MITF: variants seen among roughly 807,000 people sequenced by gnomAD.
The protein encoded by MITF is melanocyte inducing transcription factor, also known as microphthalmia-associated transcription factor.
A neutral mutation model predicts 60.5 loss-of-function variants in MITF; 17 were observed. The observed-to-expected ratio is 0.28, with a 90% CI of 0.19 to 0.42. MITF has a LOEUF of 0.42. Ranked by LOEUF, MITF falls within the 10% of genes least tolerant of loss-of-function variation. The pLI is 1.00. For missense variants in MITF, 622 were observed against 683.5 expected (o/e 0.91, Z 1.00); for synonymous variants, 260 against 248.5 (o/e 1.05, Z -0.43).
intron 1 of MITF, chr3:69,752,434 G>A (rs1703971340): frequency 6.6e-6 from 1 of 152,192 alleles, no homozygotes; most frequent in African/African-American, 2.4e-5. Context: ...GTCTGAGATG[G>A]AAATGAGGAA....
At chr3:69,909,792 G>A (rs1445766192) in intron 2 of MITF, among the ~76,000 whole-genome samples, 3 of 152,166 alleles carry the variant, frequency 2.0e-5, no homozygotes, top group African/African-American at 7.2e-5. Flanking sequence ...TTCAAAAGGT[G>A]ACTTTGGGTG....
intron 2 of MITF, among the ~76,000 whole-genome samples, chr3:69,898,042 C>T (rs532836697): frequency 1.2e-3 from 184 of 152,276 alleles, no homozygotes; most frequent in African/African-American, 4.2e-3. Context: ...TTGTGGAACT[C>T]ACTGCTAACA....
chr3:69,779,983 G>A (rs1259108492), intron 1 of MITF, among the ~76,000 whole-genome samples: 1 of 152,182 alleles, frequency 6.6e-6, no homozygotes, highest in East Asian at 1.9e-4. Context: ...TAATCTGAGA[G>A]TAGGGGCATA....
intron 7 of MITF, 62 bp downstream of exon 7, chr3:69,951,948 G>A: frequency 7.8e-7 from 1 of 1,285,816 alleles, no homozygotes; most frequent in Non-Finnish European, 1.1e-6. Context: ...TATCAAAAAT[G>A]TTTCCAGAAA....
intron 1 of MITF, among the ~76,000 whole-genome samples, chr3:69,850,295 C>A (rs1549744): frequency 0.49 from 74,692 of 152,008 alleles, 20,079 homozygotes; most frequent in Non-Finnish European, 0.63. Flanking sequence ...TAGATTCCAA[C>A]TGTGCCTTGG....
At chr3:69,903,194 G>GTTAA (rs779063801) in intron 2 of MITF, among the ~76,000 whole-genome samples, 42 of 152,300 alleles carry the variant, frequency 2.8e-4, no homozygotes, top group Non-Finnish European at 4.9e-4. Flanking sequence ...TTTCAAATTA[G>GTTAA]CTAATCTTTG....
At chr3:69,861,741 G>A (rs369852177) in intron 1 of MITF, among the ~76,000 whole-genome samples, 2 of 152,276 alleles carry the variant, frequency 1.3e-5, no homozygotes, top group East Asian at 1.9e-4. Context: ...CACATGCTGG[G>A]AAAACTAATA....
At chr3:69,822,330 G>T (rs1408735903) in intron 1 of MITF, among the ~76,000 whole-genome samples, 1 of 152,144 alleles carries the variant, frequency 6.6e-6, no homozygotes, top group Non-Finnish European at 1.5e-5. Flanking sequence ...TACAAAGCTT[G>T]CTGGCCCCTG....
At chr3:69,775,684 A>G (rs1225325911) in intron 1 of MITF, among the ~76,000 whole-genome samples, 1 of 152,192 alleles carries the variant, frequency 6.6e-6, no homozygotes, top group Admixed American at 6.5e-5. Flanking sequence ...TAGAGAAAAT[A>G]CCACTTTTCA....
chr3:69,917,220 A>T (rs1219753251), intron 2 of MITF, among the ~76,000 whole-genome samples: 1 of 152,142 alleles, frequency 6.6e-6, no homozygotes, highest in Non-Finnish European at 1.5e-5. Context: ...GGGAATAATG[A>T]CCGAAAAGTC....
Position 69,829,134 on chromosome 3 carries a change from T to G in MITF, c.105-50000T>G, listed in dbSNP as rs114420424. Among the ~76,000 whole-genome samples the G allele has an allele frequency of 6.6e-3, 1,005 of 152,318 alleles. 9 individuals are homozygous for G. Among genetic ancestry groups the G allele is most frequent in the African/African-American group, 0.023 (948 of 41,568 alleles). ...GTCTGTTGGACCTAATAATACAAAT[T>G]TGGGCTTGCATATTTGTGTTTGTTT... is the stretch of plus-strand genomic sequence containing the variant. On this transcript the variant is annotated intron_variant, in intron 1 of 9. Transcript: ENST00000352241.
intron 1 of MITF, among the ~76,000 whole-genome samples, chr3:69,811,121 G>T (rs545170182): frequency 2.0e-5 from 3 of 152,268 alleles, no homozygotes; most frequent in Non-Finnish European, 2.9e-5. Flanking sequence ...AAATACCAGC[G>T]TTGGGAAGCT....
chr3:69,748,059 T>A (rs1213316762), intron 1 of MITF, among the ~76,000 whole-genome samples: 1 of 148,022 alleles, frequency 6.8e-6, no homozygotes, highest in Non-Finnish European at 1.5e-5. Context: ...AAAATGTCAG[T>A]GTTGGTGCAG....
intron 2 of MITF, among the ~76,000 whole-genome samples, chr3:69,928,470 C>T (rs957027840): frequency 5.3e-5 from 8 of 152,046 alleles, no homozygotes; most frequent in East Asian, 1.9e-4. Context: ...AGGAATCAGA[C>T]GGGTTAATGA....
intron 1 of MITF, 68 bp from the exon 2 acceptor site, chr3:69,879,066 C>T: frequency 7.7e-7 from 1 of 1,305,412 alleles, no homozygotes; most frequent in Non-Finnish European, 1.1e-6. Context: ...ATTTAGGATA[C>T]CCCCAAAGTG....
At chr3:69,883,578 G>T (rs1032771564) in intron 2 of MITF, among the ~76,000 whole-genome samples, 41 of 152,164 alleles carry the variant, frequency 2.7e-4, no homozygotes, top group African/African-American at 9.2e-4. Flanking sequence ...GTTACAGGTG[G>T]ATTGGTGGGC....
intron 1 of MITF, among the ~76,000 whole-genome samples, chr3:69,874,739 T>G (rs1019253238): frequency 2.0e-5 from 3 of 152,156 alleles, no homozygotes; most frequent in Non-Finnish European, 4.4e-5. Context: ...TATGAGATAG[T>G]AAAAGAACAC....
At chr3:69,838,654 T>C (rs866613985) in intron 1 of MITF, 20 of 152,638 alleles carry the variant, frequency 1.3e-4, no homozygotes, top group African/African-American at 4.8e-4. Context: ...TTTGCTTTTC[T>C]GGTTTTAAAA....
intron 2 of MITF, among the ~76,000 whole-genome samples, chr3:69,907,152 T>C (rs577564574): frequency 6.6e-6 from 1 of 152,276 alleles, no homozygotes; most frequent in South Asian, 2.1e-4. Context: ...ATCGCTATGC[T>C]ACAGTACCTT....
Sources: allele counts gnomAD v4.1 joint callset (sites outside exome capture counted in the v4.1 genomes callset), GRCh38; gene constraint gnomAD v4.1.1; transcripts MANE v1.5; gene names NCBI Gene and HGNC (gene_info 2026-07-23, HGNC 2026-07-21).